Variants in SH3GL2 observed in about 807,000 individuals in gnomAD.
SH3GL2 encodes the protein endophilin-A1.
Under a neutral mutation model 46.0 loss-of-function variants are expected in SH3GL2, and 24 were observed. The observed-to-expected ratio is 0.52, with a 90% confidence interval of 0.38 to 0.73. SH3GL2 has a LOEUF of 0.73. Ranked by LOEUF, SH3GL2 falls within the 30% of genes least tolerant of loss-of-function variation. The pLI, the probability that SH3GL2 is intolerant of heterozygous loss-of-function variation, is 0.00. For synonymous variants in SH3GL2, 196 were observed against 147.1 expected, an observed-to-expected ratio of 1.33 and a Z score of -2.40; for missense variants, 413 against 424.2, an observed-to-expected ratio of 0.97 and a Z score of 0.23.
rs1355083200 is a variant in SH3GL2, at chr9:17,789,378, C to T, written c.466-14C>T. 6.2e-7 allele frequency: 1 copy of T among 1,611,442 alleles called. No individual in the cohort carries two copies. The highest frequency in any genetic ancestry group is 1.3e-5 in the African/African-American group (1 of 74,692). ...AGCCCTTTCAAAGCCTATTCCTGCCCTTGACTTTTGCAGCATCATCTAAAG... is the reference window on the plus strand; with the variant it reads ...AGCCCTTTCAAAGCCTATTCCTGCCTTTGACTTTTGCAGCATCATCTAAAG... On this transcript the variant is annotated splice_polypyrimidine_tract_variant and intron_variant, in intron 5 of 8. Transcript: ENST00000380607.
intron 1 of SH3GL2, among the ~76,000 whole-genome samples, chr9:17,714,857 T>C (rs749107140): frequency 2.0e-5 from 3 of 151,822 alleles, no homozygotes; most frequent in Non-Finnish European, 4.4e-5. Context: ...TTTCATCTGG[T>C]ATCATTTGTT....
At chr9:17,682,536 A>G (rs1023328716) in intron 1 of SH3GL2, among the ~76,000 whole-genome samples, 1 of 152,056 alleles carries the variant, frequency 6.6e-6, no homozygotes, top group African/African-American at 2.4e-5. Context: ...AGGGGAACCA[A>G]CATGCACCAG....
chr9:17,740,283 A>C (rs1334685215), intron 1 of SH3GL2, among the ~76,000 whole-genome samples: 5 of 152,154 alleles, frequency 3.3e-5, no homozygotes, highest in African/African-American at 1.2e-4. Context: ...ATTCCAACTT[A>C]ATGACAGCTG....
chr9:17,678,876 T>C (rs7852117), intron 1 of SH3GL2, among the ~76,000 whole-genome samples: 62,174 of 152,030 alleles, frequency 0.41, 13,180 homozygotes, highest in East Asian at 0.53. Context: ...CAGCACCATT[T>C]ATTAAATAGG....
chr9:17,787,770 A>G (rs1824002204), intron 5 of SH3GL2, among the ~76,000 whole-genome samples: 1 of 152,030 alleles, frequency 6.6e-6, no homozygotes, highest in South Asian at 2.1e-4. Context: ...TTTTTTTCAG[A>G]CTTTTTCTCC....
intron 2 of SH3GL2, 144 bp from the exon 3 acceptor site, chr9:17,761,293 G>C: frequency 3.1e-6 from 2 of 647,530 alleles, no homozygotes; most frequent in South Asian, 1.8e-5. Flanking sequence ...ATGACTTCCA[G>C]CCGCGTCTCA....
intron 1 of SH3GL2, among the ~76,000 whole-genome samples, chr9:17,609,632 C>A (rs1164224670): frequency 6.6e-6 from 1 of 152,184 alleles, no homozygotes; most frequent in African/African-American, 2.4e-5. Context: ...CTTTACATCA[C>A]ATCAGGTTTG....
chr9:17,640,169 A>G (rs187031249), intron 1 of SH3GL2, among the ~76,000 whole-genome samples: 1,979 of 150,178 alleles, frequency 0.013, 40 homozygotes, highest in African/African-American at 0.046. Context: ...TATAACTTGT[A>G]CCCCAGTAAA....
chr9:17,684,332 A>G (rs548550200), intron 1 of SH3GL2, among the ~76,000 whole-genome samples: 64 of 152,242 alleles, frequency 4.2e-4, no homozygotes, highest in Non-Finnish European at 4.1e-4. Context: ...GGTAGAATTG[A>G]TGCAGTTAAA....
At chr9:17,659,743 G>C (rs1820168800) in intron 1 of SH3GL2, among the ~76,000 whole-genome samples, 1 of 152,152 alleles carries the variant, frequency 6.6e-6, no homozygotes, top group Non-Finnish European at 1.5e-5. Flanking sequence ...GTTCACTTTA[G>C]AGGCAAAAGA....
At chr9:17,720,597 A>G (rs1295715028) in intron 1 of SH3GL2, among the ~76,000 whole-genome samples, 2 of 152,094 alleles carry the variant, frequency 1.3e-5, no homozygotes, top group South Asian at 2.1e-4. Flanking sequence ...GTCTGTTTGC[A>G]CATCTAGTTA....
intron 1 of SH3GL2, among the ~76,000 whole-genome samples, chr9:17,605,920 G>T (rs543842414): frequency 3.3e-5 from 5 of 152,262 alleles, no homozygotes; most frequent in African/African-American, 9.6e-5. Flanking sequence ...GGCAGTAACT[G>T]AACTGATAGT....
intron 1 of SH3GL2, among the ~76,000 whole-genome samples, chr9:17,742,914 T>G (rs1056860333): frequency 6.6e-6 from 1 of 152,120 alleles, no homozygotes; most frequent in Non-Finnish European, 1.5e-5. Flanking sequence ...TTCGCATATC[T>G]TTTGCTTTTA....
chr9:17,736,264 A>T lies in SH3GL2; in HGVS notation c.46-10802A>T, dbSNP rs533799725. Among the ~76,000 whole-genome samples, 316 of 152,286 alleles carry T rather than the reference A, an allele frequency of 2.1e-3. 1 individual carries two copies. Among genetic ancestry groups the T allele is most frequent in the African/African-American group, 7.2e-3 (301 of 41,566 alleles). On this transcript the variant is annotated intron_variant, in intron 1 of 8. Transcript: ENST00000380607. ...CTTTTTAAATTTTTTGATTTAGATC[A>T]TAGAATTTCTAGAGATACTAATTTT...
chr9:17,750,298 ATCTGTAT>A (rs1466355767), intron 2 of SH3GL2, among the ~76,000 whole-genome samples: 4 of 151,388 alleles, frequency 2.6e-5, no homozygotes, highest in South Asian at 2.1e-4. Context: ...ACCTTTGCTC[ATCTGTAT>A]TCTCGGAGGT....
At chr9:17,729,987 A>T (rs1207414487) in intron 1 of SH3GL2, among the ~76,000 whole-genome samples, 1 of 152,084 alleles carries the variant, frequency 6.6e-6, no homozygotes, top group African/African-American at 2.4e-5. Context: ...GTTTTTTCTA[A>T]TTCTGTGAAG....
At chr9:17,788,354 A>C (rs1554650300) in intron 5 of SH3GL2, among the ~76,000 whole-genome samples, 1 of 152,130 alleles carries the variant, frequency 6.6e-6, no homozygotes, top group Non-Finnish European at 1.5e-5. Flanking sequence ...ATGAGCATTT[A>C]GTTTTTGGAT....
At chr9:17,634,233 C>G (rs1438459493) in intron 1 of SH3GL2, among the ~76,000 whole-genome samples, 1 of 152,136 alleles carries the variant, frequency 6.6e-6, no homozygotes, top group Non-Finnish European at 1.5e-5. Flanking sequence ...CATACTAACC[C>G]AGAACTGCAG....
At chr9:17,679,777 G>C (rs961737454) in intron 1 of SH3GL2, among the ~76,000 whole-genome samples, 1 of 152,074 alleles carries the variant, frequency 6.6e-6, no homozygotes, top group Admixed American at 6.6e-5. Flanking sequence ...GTGATAAATA[G>C]CTCTTATTAT....
Sources: allele counts gnomAD v4.1 joint callset (sites outside exome capture counted in the v4.1 genomes callset), GRCh38; gene constraint gnomAD v4.1.1; transcripts MANE v1.5; gene names NCBI Gene and HGNC (gene_info 2026-07-23, HGNC 2026-07-21).